The following WWOX variants were observed in gnomAD, a reference collection of about 807,000 sequenced individuals.
WWOX encodes the protein WW domain containing oxidoreductase.
In WWOX, 69 loss-of-function variants were observed where a neutral mutation model predicts 46.2. The observed-to-expected ratio is 1.49, with a 90% CI of 1.23 to 1.82. The LOEUF is 1.82. Among genes scored for constraint, WWOX ranks in the 40% most tolerant of loss-of-function variants. The probability of loss-of-function intolerance (pLI) is 0.00; values close to 1 mark genes in which losing one functional copy is unlikely to be tolerated. For missense variants in WWOX, 919 were observed against 542.6 expected, an observed-to-expected ratio of 1.69 and a Z score of -6.89; for synonymous variants, 359 against 202.6, an observed-to-expected ratio of 1.77 and a Z score of -6.56.
chr16:78,182,959 A>G, intron 5 of WWOX, among the ~76,000 whole-genome samples: 1 of 149,978 alleles, frequency 6.7e-6, no homozygotes, highest in Non-Finnish European at 1.5e-5. Context: ...TCAAAAAAAA[A>G]AAAAAAAAGA....
chr16:78,936,142 G>A (rs1425736627), intron 8 of WWOX, among the ~76,000 whole-genome samples: 1 of 152,140 alleles, frequency 6.6e-6, no homozygotes, highest in East Asian at 1.9e-4. Flanking sequence ...GGGAACCGGA[G>A]AATGGTGGTC....
intron 8 of WWOX, among the ~76,000 whole-genome samples, chr16:78,885,325 A>G (rs1028357795): frequency 5.9e-5 from 9 of 151,848 alleles, no homozygotes; most frequent in African/African-American, 2.2e-4. Context: ...TTTGAATAAC[A>G]TTTGGTCAGT....
chr16:78,982,147 A>G (rs2046695052), intron 8 of WWOX, among the ~76,000 whole-genome samples: 1 of 152,168 alleles, frequency 6.6e-6, no homozygotes, highest in Admixed American at 6.5e-5. Flanking sequence ...CTCAGAGGAA[A>G]AGAAGAAAAA....
intron 8 of WWOX, chr16:78,526,578 G>A (rs983008007): frequency 1.3e-5 from 2 of 152,194 alleles, no homozygotes; most frequent in African/African-American, 4.8e-5. Context: ...GTGTCCCCCA[G>A]ATTGGATCCT....
At chr16:78,998,982 C>A (rs529975287) in intron 8 of WWOX, among the ~76,000 whole-genome samples, 1 of 152,184 alleles carries the variant, frequency 6.6e-6, no homozygotes, top group East Asian at 1.9e-4. Context: ...AGGAAAGTCC[C>A]AGATGTAACA....
chr16:79,139,704 G>T (rs752018714), intron 8 of WWOX, among the ~76,000 whole-genome samples: 2 of 151,966 alleles, frequency 1.3e-5, no homozygotes, highest in African/African-American at 4.8e-5. Context: ...TAGGGTGTTT[G>T]CTTATGAAAG....
intron 8 of WWOX, among the ~76,000 whole-genome samples, chr16:78,567,902 C>T (rs891690047): frequency 1.3e-5 from 2 of 152,112 alleles, no homozygotes; most frequent in African/African-American, 4.8e-5. Context: ...AAACAAGCAC[C>T]CTGCTGCCCT....
chr16:78,912,736 A>G (rs538687884), intron 8 of WWOX, among the ~76,000 whole-genome samples: 41 of 152,124 alleles, frequency 2.7e-4, no homozygotes, highest in Middle Eastern at 6.8e-3. Flanking sequence ...TGATTAGGCA[A>G]TGGTAAAATT....
intron 5 of WWOX, among the ~76,000 whole-genome samples, chr16:78,195,878 A>G (rs1415435647): frequency 6.6e-6 from 1 of 152,038 alleles, no homozygotes; most frequent in Non-Finnish European, 1.5e-5. Flanking sequence ...TATGAGACAA[A>G]TGAAAAAGAT....
intron 5 of WWOX, among the ~76,000 whole-genome samples, chr16:78,366,731 C>G (rs1346411749): frequency 6.6e-6 from 1 of 152,082 alleles, no homozygotes; most frequent in South Asian, 2.1e-4. Context: ...CTATCTGGCC[C>G]TTTAGAGAAA....
At chr16:78,798,194 G>A (rs573096733) in intron 8 of WWOX, among the ~76,000 whole-genome samples, 6 of 152,138 alleles carry the variant, frequency 3.9e-5, no homozygotes, top group Non-Finnish European at 7.4e-5. Context: ...TTGCCACAAC[G>A]TGAGCAAGAA....
chr16:78,355,390 C>G (rs1379744822), intron 5 of WWOX: 3 of 239,284 alleles, frequency 1.3e-5, no homozygotes, highest in Non-Finnish European at 2.5e-5. Context: ...ATCACGAGGT[C>G]AGGAGATCGA....
At chr16:79,016,884 C>G (rs1421565340) in intron 8 of WWOX, 1 of 152,132 alleles carries the variant, frequency 6.6e-6, no homozygotes, top group South Asian at 2.1e-4. Context: ...ATTTTCTCAT[C>G]GTCTTATTAT....
chr16:78,870,594 G>C (rs543382406), intron 8 of WWOX, among the ~76,000 whole-genome samples: 3 of 151,924 alleles, frequency 2.0e-5, no homozygotes, highest in African/African-American at 7.2e-5. Context: ...CCCTACCAAT[G>C]TAATCAGTTC....
chr16:78,532,735 C>T (rs993315822), intron 8 of WWOX, among the ~76,000 whole-genome samples: 1 of 151,892 alleles, frequency 6.6e-6, no homozygotes, highest in African/African-American at 2.4e-5. Context: ...GAAACTCTCC[C>T]TTATGATACC....
chr16:79,180,167 G>A (rs547212755), intron 8 of WWOX, among the ~76,000 whole-genome samples: 1 of 152,184 alleles, frequency 6.6e-6, no homozygotes, highest in Non-Finnish European at 1.5e-5. Flanking sequence ...ACATCAAAAC[G>A]ACGCTGGTGC....
chr16:78,298,280 C>T (rs186987024), intron 5 of WWOX, among the ~76,000 whole-genome samples: 124 of 152,256 alleles, frequency 8.1e-4, no homozygotes, highest in African/African-American at 2.8e-3. Flanking sequence ...GGCCATCTTT[C>T]TTAGGCAGGA....
intron 5 of WWOX, among the ~76,000 whole-genome samples, chr16:78,189,441 G>A (rs2035812688): frequency 6.6e-6 from 1 of 152,170 alleles, no homozygotes; most frequent in African/African-American, 2.4e-5. Context: ...GTATGTCAAA[G>A]TCTGTATGTC....
At chr16:78,122,609 CTTTTTTT>C (rs71137872) in intron 4 of WWOX, among the ~76,000 whole-genome samples, 1 of 142,842 alleles carries the variant, frequency 7.0e-6, no homozygotes, top group African/African-American at 2.6e-5. Context: ...CATTTTTTTT[CTTTTTTT>C]TTTTTTGAGA....
Sources: allele counts gnomAD v4.1 joint callset (sites outside exome capture counted in the v4.1 genomes callset), GRCh38; gene constraint gnomAD v4.1.1; transcripts MANE v1.5; gene names NCBI Gene and HGNC (gene_info 2026-07-23, HGNC 2026-07-21).